Variants in TTC28 observed in about 807,000 individuals in gnomAD.
The protein encoded by TTC28 is tetratricopeptide repeat protein 28.
A neutral mutation model predicts 198.0 loss-of-function variants in TTC28; 61 were observed. The ratio of observed to expected loss-of-function variants is 0.31; its 90% confidence interval spans 0.25 to 0.38. TTC28 has a LOEUF of 0.38. Ranked by LOEUF, TTC28 falls within the 10% of genes least tolerant of loss-of-function variation. The pLI, the probability that TTC28 is intolerant of heterozygous loss-of-function variation, is 1.00. For synonymous variants in TTC28, 1,171 were observed against 1,297.8 expected (o/e 0.90, Z 2.10); for missense variants, 2,678 against 3,164.0 (o/e 0.85, Z 3.69).
At chr22:28,004,232 C>T (rs900554144) in intron 14 of TTC28, among the ~76,000 whole-genome samples, 1 of 152,048 alleles carries the variant, frequency 6.6e-6, no homozygotes, top group African/African-American at 2.4e-5. Context: ...ACTGTGGGGG[C>T]GCTGAAGATC....
intron 5 of TTC28, among the ~76,000 whole-genome samples, chr22:28,286,563 T>A (rs894443027): frequency 1.3e-5 from 2 of 152,316 alleles, no homozygotes; most frequent in Non-Finnish European, 2.9e-5. Flanking sequence ...AGAATACACT[T>A]CAAACTGGTA....
chr22:28,587,008 GGCCAGGAGTTCAAGACCA>G (rs1337183531), intron 2 of TTC28, among the ~76,000 whole-genome samples: 2 of 152,130 alleles, frequency 1.3e-5, no homozygotes, highest in Non-Finnish European at 2.9e-5. Flanking sequence ...GATCACTTGA[GGCCAGGAGTTCAAGACCA>G]GCCTGGCCAA....
chr22:28,610,391 G>C (rs1601619814), intron 2 of TTC28, among the ~76,000 whole-genome samples: 2 of 152,170 alleles, frequency 1.3e-5, no homozygotes, highest in Admixed American at 1.3e-4. Context: ...CCAGAGGAAG[G>C]AACAGGCAGC....
intron 1 of TTC28, among the ~76,000 whole-genome samples, chr22:28,650,279 G>A (rs1271292363): frequency 6.6e-6 from 1 of 152,048 alleles, no homozygotes; most frequent in Non-Finnish European, 1.5e-5. Flanking sequence ...CATTTGGAAA[G>A]AATAATTTGC....
chr22:28,483,388 A>G (rs1205544077), intron 2 of TTC28, among the ~76,000 whole-genome samples: 2 of 152,190 alleles, frequency 1.3e-5, no homozygotes, highest in Non-Finnish European at 2.9e-5. Context: ...TCTCTGAAAC[A>G]TGAACAGTAT....
At chr22:28,402,721 TC>T (rs1186981974) in intron 2 of TTC28, among the ~76,000 whole-genome samples, 1 of 152,210 alleles carries the variant, frequency 6.6e-6, no homozygotes, top group Non-Finnish European at 1.5e-5. Flanking sequence ...TCTTCCGCTC[TC>T]AAACAGTCAT....
At chr22:28,190,298 A>C (rs1397001618) in intron 5 of TTC28, among the ~76,000 whole-genome samples, 1 of 152,238 alleles carries the variant, frequency 6.6e-6, no homozygotes, top group Non-Finnish European at 1.5e-5. Flanking sequence ...ACGACAGATA[A>C]TATTTTCATC....
intron 2 of TTC28, among the ~76,000 whole-genome samples, chr22:28,468,687 C>G (rs1465861834): frequency 1.7e-5 from 2 of 117,964 alleles, no homozygotes; most frequent in African/African-American, 2.9e-5. Flanking sequence ...ACTCGCCCGG[C>G]TAATTTTTTT....
At chr22:28,551,249 CA>C (rs1367280669) in intron 2 of TTC28, among the ~76,000 whole-genome samples, 1 of 151,282 alleles carries the variant, frequency 6.6e-6, no homozygotes, top group Non-Finnish European at 1.5e-5. Context: ...AAATTGTAAA[CA>C]AAAAAAAGTC....
intron 5 of TTC28, among the ~76,000 whole-genome samples, chr22:28,258,519 A>G (rs949932222): frequency 3.3e-5 from 5 of 152,156 alleles, no homozygotes; most frequent in Non-Finnish European, 7.4e-5. Context: ...AAATATACAT[A>G]TAGCTGCACA....
At chr22:28,628,927 G>T (rs1045087953) in intron 2 of TTC28, among the ~76,000 whole-genome samples, 1 of 146,924 alleles carries the variant, frequency 6.8e-6, no homozygotes, top group Non-Finnish European at 1.5e-5. Flanking sequence ...AAAGGAAAAA[G>T]GAAAAAAGAA....
intron 5 of TTC28, among the ~76,000 whole-genome samples, chr22:28,239,757 G>A (rs560344475): frequency 1.0e-3 from 152 of 152,194 alleles, no homozygotes; most frequent in African/African-American, 3.5e-3. Flanking sequence ...AAAAGGGATG[G>A]AGACATATGG....
At chr22:28,189,324 C>T (rs1438991545) in intron 5 of TTC28, among the ~76,000 whole-genome samples, 1 of 151,940 alleles carries the variant, frequency 6.6e-6, no homozygotes, top group Non-Finnish European at 1.5e-5. Flanking sequence ...TAAAATAATA[C>T]ATGAAGTAGA....
chr22:28,464,357 A>C (rs1046376159), intron 2 of TTC28, among the ~76,000 whole-genome samples: 1 of 152,244 alleles, frequency 6.6e-6, no homozygotes, highest in African/African-American at 2.4e-5. Flanking sequence ...CTTCCCAGAA[A>C]CAGGGACTTG....
chr22:28,302,031 C>T (rs1458019880), intron 3 of TTC28, among the ~76,000 whole-genome samples: 1 of 138,636 alleles, frequency 7.2e-6, no homozygotes, highest in Non-Finnish European at 1.6e-5. Context: ...GAGTGAGATC[C>T]TGTCTCAAAA....
chr22:28,318,716 G>GT (rs991010336), intron 2 of TTC28, among the ~76,000 whole-genome samples: 15 of 149,126 alleles, frequency 1.0e-4, no homozygotes, highest in African/African-American at 3.0e-4. Flanking sequence ...TTCTTTTCCT[G>GT]TTTTTTCATT....
chr22:28,001,330 C>T (rs1431209016), intron 15 of TTC28, 44 bp downstream of exon 15: 9 of 1,524,838 alleles, frequency 5.9e-6, no homozygotes, highest in Non-Finnish European at 5.3e-6. Flanking sequence ...GCCTCGTGAC[C>T]CGAAAACAAG....
chr22:28,042,131 G>A (rs907572073), intron 12 of TTC28, among the ~76,000 whole-genome samples: 2 of 152,078 alleles, frequency 1.3e-5, no homozygotes, highest in Non-Finnish European at 2.9e-5. Flanking sequence ...CACTGTTGGT[G>A]GGAGTGTAAA....
chr22:28,317,656 A>G (rs548983652), intron 2 of TTC28, among the ~76,000 whole-genome samples: 39 of 152,218 alleles, frequency 2.6e-4, no homozygotes, highest in African/African-American at 8.7e-4. Context: ...GCTCACTCCT[A>G]TATCTGATAT....
Sources: gnomAD v4.1 joint callset for allele counts (sites outside exome capture counted in the v4.1 genomes callset) on GRCh38, gnomAD v4.1.1 for gene constraint, MANE v1.5 for transcripts, NCBI Gene and HGNC (gene_info 2026-07-23, HGNC 2026-07-21) for gene names.